The following CFAP91 variants were observed in gnomAD, a reference collection of about 807,000 sequenced individuals.
CFAP91 encodes the protein cilia and flagella associated protein 91, also known as cilia- and flagella-associated protein 91.
Under a neutral mutation model 95.9 loss-of-function variants are expected in CFAP91, and 85 were observed. The ratio of observed to expected loss-of-function variants is 0.89; its 90% CI spans 0.74 to 1.06. CFAP91 has a LOEUF of 1.06. Among genes scored for constraint, CFAP91 ranks in the 50% least tolerant of loss-of-function variants. The pLI is 0.00. For missense variants in CFAP91, 962 were observed against 943.4 expected (o/e 1.02, Z -0.26); for synonymous variants, 335 against 327.5 (o/e 1.02, Z -0.25).
chr3:119,714,629 T>C (rs907062342), intron 5 of CFAP91, among the ~76,000 whole-genome samples: 14 of 152,252 alleles, frequency 9.2e-5, no homozygotes, highest in African/African-American at 3.4e-4. Context: ...TTTTACTTTT[T>C]GTTTTGTGAA....
At chr3:119,740,809 C>T (rs1247803203) in intron 13 of CFAP91, 114 bp downstream of exon 13, 3 of 1,140,646 alleles carry the variant, frequency 2.6e-6, no homozygotes, top group Non-Finnish European at 3.8e-6. Flanking sequence ...AGAAACAGCC[C>T]CACAATCCCA....
At chr3:119,747,313 C>T (rs558409834) in intron 15 of CFAP91, 50 bp downstream of exon 15, 6 of 1,562,308 alleles carry the variant, frequency 3.8e-6, no homozygotes, top group African/African-American at 1.4e-5. Flanking sequence ...TTTGCTGGTA[C>T]TCATATATAT....
rs1293601690 is a variant in CFAP91, at chr3:119,765,472, T to C, written c.*422T>C. The stretch of plus-strand genomic sequence containing the variant: ...CTCAGGATTTTATCTCCTAGATATA[T>C]ATTCAACAGAAATGCATGAGTATGT... On this transcript the variant is annotated 3_prime_UTR_variant, in exon 18 of 18. Coordinates refer to ENST00000273390, the MANE Select transcript of CFAP91 (RefSeq NM_033364.4). 6.6e-6 allele frequency: 1 copy of C among 152,244 alleles called. No individual in the cohort carries two copies. Among genetic ancestry groups the C allele is most frequent in the African/African-American group, 2.4e-5 (1 of 41,472 alleles). 9.4% of individuals were successfully genotyped at this position (152,244 alleles called of 1,614,324 possible). A position where few individuals can be genotyped will look rare whatever the true frequency, so the allele number is the denominator to read the frequency against.
chr3:119,739,384 T>A, intron 12 of CFAP91, 58 bp downstream of exon 12: 2 of 1,486,790 alleles, frequency 1.3e-6, no homozygotes, highest in Non-Finnish European at 1.9e-6. Flanking sequence ...TTTTTTAGAA[T>A]GCATATGTGC....
At chr3:119,744,540 G>A in intron 14 of CFAP91, among the ~76,000 whole-genome samples, 1 of 152,184 alleles carries the variant, frequency 6.6e-6, no homozygotes, top group East Asian at 1.9e-4. Flanking sequence ...GGGGAACAAG[G>A]CGGCCAGGAA....
chr3:119,752,020 A>G (rs2054335494), intron 17 of CFAP91, among the ~76,000 whole-genome samples: 1 of 152,182 alleles, frequency 6.6e-6, no homozygotes, highest in African/African-American at 2.4e-5. Context: ...GACACATATC[A>G]CCTTATCAAG....
At chr3:119,763,515 T>G (rs2054575301) in intron 17 of CFAP91, among the ~76,000 whole-genome samples, 1 of 152,008 alleles carries the variant, frequency 6.6e-6, no homozygotes, top group African/African-American at 2.4e-5. Context: ...ATATCTGCAC[T>G]CCCATGTTCA....
intron 8 of CFAP91, 40 bp downstream of exon 8, chr3:119,730,417 G>A: frequency 6.9e-6 from 11 of 1,585,178 alleles, no homozygotes; most frequent in African/African-American, 6.8e-5. Context: ...GTGGAAAAGT[G>A]GGCTTTGCTT....
At chr3:119,753,899 A>T (rs567254968) in intron 17 of CFAP91, among the ~76,000 whole-genome samples, 2 of 152,332 alleles carry the variant, frequency 1.3e-5, no homozygotes, top group East Asian at 1.9e-4. Context: ...AACTATGTTG[A>T]CTACTGTGGA....
intron 5 of CFAP91, among the ~76,000 whole-genome samples, chr3:119,713,418 CT>C (rs34012023): frequency 0.16 from 23,259 of 143,484 alleles, 1,890 homozygotes; most frequent in Admixed American, 0.21. Flanking sequence ...GTACCTCGCC[CT>C]TTTTTTTTTT....
In CFAP91 at chr3:119,716,466, G is replaced by A. The variant is rs6792664; in HGVS notation, c.682+723G>A. Among the ~76,000 whole-genome samples, 25 of 152,284 alleles carry A rather than the reference G, an allele frequency of 1.6e-4. No homozygotes were observed. The South Asian group carries it at 2.3e-3, about 14-fold the overall frequency. On this transcript the variant is annotated intron_variant, in intron 6 of 17. Transcript: ENST00000273390. ...TTTTTAAATGAGATTACTTTCCCCC[G>A]CATTGTAACAGATAGCTGTGATCAA...
intron 16 of CFAP91, among the ~76,000 whole-genome samples, chr3:119,749,913 C>A (rs888241901): frequency 6.6e-6 from 1 of 152,166 alleles, no homozygotes; most frequent in African/African-American, 2.4e-5. Context: ...ATGCTAAGTT[C>A]CAAGAAGTTC....
At chr3:119,726,993 A>G (rs1046088916) in intron 7 of CFAP91, among the ~76,000 whole-genome samples, 9 of 152,132 alleles carry the variant, frequency 5.9e-5, no homozygotes, top group South Asian at 4.1e-4. Context: ...TGGGTTTTCA[A>G]TTATTTTAAC....
chr3:119,729,047 T>C (rs1409045736), intron 7 of CFAP91, among the ~76,000 whole-genome samples: 3 of 152,190 alleles, frequency 2.0e-5, no homozygotes, highest in Admixed American at 1.3e-4. Context: ...AATTCAGGTA[T>C]GAATTTCTAA....
At chr3:119,705,684 C>G (rs1414859290) in intron 1 of CFAP91, among the ~76,000 whole-genome samples, 1 of 152,194 alleles carries the variant, frequency 6.6e-6, no homozygotes, top group Non-Finnish European at 1.5e-5. Flanking sequence ...AAATAACAAC[C>G]CTCAAATTCT....
chr3:119,766,389 G>A lies in CFAP91; in HGVS notation c.*1339G>A, dbSNP rs2054628114. ...CTTGCCCTAGCAAAACTAGGATTGG[G>A]ACACCTTTTTTTCCCCCTGAGGATC... On this transcript the variant is annotated 3_prime_UTR_variant, in exon 18 of 18. Transcript: ENST00000273390. 2 of 152,104 alleles carry A rather than the reference G, an allele frequency of 1.3e-5. No homozygotes were observed. The highest frequency in any genetic ancestry group is 2.9e-5 in the Non-Finnish European group (2 of 68,012). 9.4% of individuals were successfully genotyped at this position (152,104 alleles called of 1,614,324 possible). A position where few individuals can be genotyped will look rare whatever the true frequency, so the allele number is the denominator to read the frequency against.
At chr3:119,723,421 G>T (rs543971480) in intron 6 of CFAP91, among the ~76,000 whole-genome samples, 9 of 152,290 alleles carry the variant, frequency 5.9e-5, no homozygotes, top group Middle Eastern at 3.4e-3. Context: ...AAGGATGTTT[G>T]TTGCAACATT....
Position 119,751,063 on chromosome 3 carries a change from T to A in CFAP91, c.2270T>A (p.Leu757His), listed in dbSNP as rs1174610778. The A allele has an allele frequency of 6.2e-7, 1 of 1,609,158 alleles. No individual in the cohort carries two copies. The highest frequency in any genetic ancestry group is 8.5e-7 in the Non-Finnish European group (1 of 1,178,456). ...GAGGCCTCAAATGCTGCCATGTTAC[T>A]TGAGAAAGAAACTCAAAATGAGAAC... ...QDEASNAAML[L>H]EKETQNENNS Residue 757 changes from leucine (L) to histidine (H), a missense_variant, in exon 17 of 18, where the codon CTT becomes CAT. Transcript: ENST00000273390.
chr3:119,743,898 A>C (rs1577235243), intron 13 of CFAP91, 77 bp from the exon 14 acceptor site: 1 of 1,277,348 alleles, frequency 7.8e-7, no homozygotes, highest in East Asian at 2.4e-5. Context: ...AAGAGTTTTG[A>C]GTAATCCAGC....
Sources: allele counts gnomAD v4.1 joint callset (sites outside exome capture counted in the v4.1 genomes callset), GRCh38; gene constraint gnomAD v4.1.1; transcripts MANE v1.5; gene names NCBI Gene and HGNC (gene_info 2026-07-23, HGNC 2026-07-21).